The following TIAM1 variants were observed in gnomAD, a reference collection of about 807,000 sequenced individuals.
TIAM1 encodes TIAM Rac1 associated GEF 1.
TIAM1 carries 65 observed loss-of-function variants against 163.5 expected under a neutral mutation model. That is an observed-to-expected ratio of 0.40 (90% confidence interval 0.33 to 0.49). The LOEUF (loss-of-function observed/expected upper bound fraction) is 0.49. Among genes scored for constraint, TIAM1 ranks in the 20% least tolerant of loss-of-function variants. The pLI is 0.77. For missense variants in TIAM1, 1,789 were observed against 2,044.7 expected (o/e 0.87, Z 2.41); for synonymous variants, 833 against 810.1 (o/e 1.03, Z -0.48).
intron 2 of TIAM1, among the ~76,000 whole-genome samples, chr21:31,424,238 G>A (rs1569318979): frequency 6.6e-6 from 1 of 152,142 alleles, no homozygotes; most frequent in Non-Finnish European, 1.5e-5. Context: ...TGAACATCTG[G>A]TCTGAGCTGC....
At chr21:31,277,345 T>C (rs754615042) in intron 2 of TIAM1, among the ~76,000 whole-genome samples, 2 of 152,168 alleles carry the variant, frequency 1.3e-5, no homozygotes, top group African/African-American at 2.4e-5. Context: ...CCTTATATGG[T>C]CTAGAAAGGG....
At chr21:31,446,133 G>T (rs947291117) in intron 2 of TIAM1, among the ~76,000 whole-genome samples, 1 of 151,906 alleles carries the variant, frequency 6.6e-6, no homozygotes, top group Non-Finnish European at 1.5e-5. Flanking sequence ...TAGAGGCAGG[G>T]TTTCACCATG....
intron 15 of TIAM1, 146 bp downstream of exon 15, chr21:31,182,275 G>T: frequency 1.7e-6 from 1 of 594,122 alleles, no homozygotes; most frequent in Non-Finnish European, 2.7e-6. Context: ...GAAATGCAGG[G>T]CCAGTCATCA....
chr21:31,120,947 G>GAAT lies in TIAM1; in HGVS notation c.4307-113_4307-111dup. On this transcript the variant is annotated intron_variant, in intron 27 of 27. Coordinates refer to ENST00000541036, the MANE Select transcript of TIAM1 (RefSeq NM_001353694.2). The surrounding 1 kb of genome is among the most constrained non-coding windows in gnomAD (Gnocchi z 4.2). ...AATAAAAACCAAAACGGTATGCATT[G>GAAT]AATGCCTTGATGTCTTTTGGGGCTT... The GAAT allele has an allele frequency of 1.0e-6, 1 of 995,616 alleles. No individual in the cohort carries two copies. Among genetic ancestry groups the GAAT allele is most frequent in the South Asian group, 1.7e-5 (1 of 58,350 alleles). The allele number at this position is 995,616 out of a possible 1,614,324, so 61.7% of individuals were successfully genotyped here.
intron 2 of TIAM1, among the ~76,000 whole-genome samples, chr21:31,460,064 C>T (rs1160615534): frequency 6.6e-6 from 1 of 151,622 alleles, no homozygotes; most frequent in East Asian, 2.0e-4. Flanking sequence ...AAGGAAGCTC[C>T]TCTGCAGGTT....
intron 2 of TIAM1, among the ~76,000 whole-genome samples, chr21:31,460,159 C>T (rs577687679): frequency 6.6e-6 from 1 of 152,242 alleles, no homozygotes; most frequent in Non-Finnish European, 1.5e-5. Context: ...GAAGCCACTG[C>T]CCATTTTAAG....
intron 1 of TIAM1, among the ~76,000 whole-genome samples, chr21:31,476,654 T>C (rs2045944275): frequency 6.6e-6 from 1 of 152,230 alleles, no homozygotes; most frequent in East Asian, 1.9e-4. Context: ...CAGATGCTTT[T>C]GCAAAATCGA....
intron 1 of TIAM1, among the ~76,000 whole-genome samples, chr21:31,556,660 T>C (rs977498665): frequency 1.2e-4 from 19 of 152,206 alleles, no homozygotes; most frequent in African/African-American, 4.6e-4. Context: ...TAAAGAAAAG[T>C]AGCAGTGCAG....
At chr21:31,183,852 G>A (rs934494614) in intron 14 of TIAM1, among the ~76,000 whole-genome samples, 2 of 151,260 alleles carry the variant, frequency 1.3e-5, no homozygotes, top group Non-Finnish European at 2.9e-5. Flanking sequence ...TCACCACCAC[G>A]CCCAGCTATT....
intron 2 of TIAM1, among the ~76,000 whole-genome samples, chr21:31,388,147 T>A (rs1457690912): frequency 2.0e-5 from 3 of 151,158 alleles, no homozygotes; most frequent in African/African-American, 7.3e-5. Context: ...ACGAGCCAAT[T>A]AAAGCCCTTT....
At chr21:31,437,911 G>A (rs892336040) in intron 2 of TIAM1, among the ~76,000 whole-genome samples, 5 of 152,128 alleles carry the variant, frequency 3.3e-5, no homozygotes, top group South Asian at 2.1e-4. Context: ...AGACTAATAC[G>A]TATGGATATT....
At chr21:31,306,142 G>C (rs2074702240) in intron 2 of TIAM1, among the ~76,000 whole-genome samples, 2 of 151,724 alleles carry the variant, frequency 1.3e-5, no homozygotes. Context: ...AAATAAGCCA[G>C]GCATGGTGAC....
At chr21:31,246,765 G>C (rs2071523192) in intron 5 of TIAM1, among the ~76,000 whole-genome samples, 1 of 152,208 alleles carries the variant, frequency 6.6e-6, no homozygotes. Flanking sequence ...CAGAATAGCT[G>C]TTGAACTCTA....
At chr21:31,426,164 C>T (rs775665511) in intron 2 of TIAM1, among the ~76,000 whole-genome samples, 5 of 152,110 alleles carry the variant, frequency 3.3e-5, no homozygotes, top group Non-Finnish European at 7.4e-5. Context: ...TCTTTTATCC[C>T]TCACCCACCT....
intron 27 of TIAM1, among the ~76,000 whole-genome samples, chr21:31,122,609 C>T (rs1285042883): frequency 1.3e-5 from 2 of 152,076 alleles, no homozygotes; most frequent in Non-Finnish European, 2.9e-5. Flanking sequence ...TAAGTTTAAA[C>T]ATTTTCATAA....
At chr21:31,457,146 C>T (rs2045135327) in intron 2 of TIAM1, among the ~76,000 whole-genome samples, 1 of 152,116 alleles carries the variant, frequency 6.6e-6, no homozygotes, top group African/African-American at 2.4e-5. Flanking sequence ...CTTCCATGAG[C>T]CCAGAATACG....
chr21:31,353,829 A>ATCTTTT (rs2076272139), intron 2 of TIAM1, among the ~76,000 whole-genome samples: 2 of 67,228 alleles, frequency 3.0e-5, no homozygotes, highest in Non-Finnish European at 6.2e-5. Context: ...TTATTTATTT[A>ATCTTTT]TTTATCTTTT....
intron 17 of TIAM1, among the ~76,000 whole-genome samples, chr21:31,153,858 C>T (rs914158934): frequency 4.0e-5 from 6 of 151,344 alleles, no homozygotes; most frequent in Admixed American, 6.6e-5. Flanking sequence ...CCCATGAGTT[C>T]GAAACCAGCA....
chr21:31,342,765 G>C (rs2076059416), intron 1 of TIAM1, among the ~76,000 whole-genome samples: 1 of 152,138 alleles, frequency 6.6e-6, no homozygotes, highest in East Asian at 1.9e-4. Flanking sequence ...CTCTAGCCCT[G>C]GATCATGCAA....
Sources: allele counts gnomAD v4.1 joint callset (sites outside exome capture counted in the v4.1 genomes callset), GRCh38; gene constraint gnomAD v4.1.1; non-coding constraint Gnocchi (gnomAD v3.1); transcripts MANE v1.5; gene names NCBI Gene and HGNC (gene_info 2026-07-23, HGNC 2026-07-21).